The following DSG2 variants were observed in gnomAD, a reference collection of about 807,000 sequenced individuals.
The protein encoded by DSG2 is desmoglein-2.
Under a neutral mutation model 75.6 loss-of-function variants are expected in DSG2, and 45 were observed. The ratio of observed to expected loss-of-function variants is 0.60; its 90% CI spans 0.47 to 0.76. DSG2 has a LOEUF of 0.76. Ranked by LOEUF, DSG2 falls within the 30% of genes least tolerant of loss-of-function variation. The pLI, the probability that DSG2 is intolerant of heterozygous loss-of-function variation, is 0.00. For missense variants in DSG2, 1,267 were observed against 1,357.4 expected, an observed-to-expected ratio of 0.93 and a Z score of 1.05; for synonymous variants, 429 against 483.9, an observed-to-expected ratio of 0.89 and a Z score of 1.49.
chr18:31,541,098 C>T (rs1364765383), intron 12 of DSG2, 95 bp from the exon 13 acceptor site: 70 of 1,490,872 alleles, frequency 4.7e-5, no homozygotes, highest in Non-Finnish European at 6.1e-5. Context: ...GAAGACAAGT[C>T]CAGGAAGGGA....
chr18:31,536,236 T>C lies in DSG2; in HGVS notation c.1458T>C (p.Leu486=), dbSNP rs779518495. 7.4e-6 allele frequency: 12 copies of C among 1,614,100 alleles called. No homozygotes were observed. The highest frequency in any genetic ancestry group is 3.3e-5 in the Admixed American group (2 of 60,004). The change falls in exon 11 of 15, where the codon CTT becomes CTC. Residue 486 remains leucine (L), a synonymous_variant. Coordinates refer to ENST00000261590, the MANE Select transcript of DSG2 (RefSeq NM_001943.5). ...YPRKTITGTV[L]INVEDINDNC... is the part of the protein sequence containing the mutation. ...GAAAAACCATCACTGGCACAGTCCT[T>C]ATCAATGTTGAAGACATCAACGACA...
chr18:31,520,117 G>A (rs1308748174), intron 3 of DSG2, among the ~76,000 whole-genome samples, 180 bp downstream of exon 3: 1 of 152,182 alleles, frequency 6.6e-6, no homozygotes, highest in East Asian at 1.9e-4. Context: ...TCAACTTTAA[G>A]ATTCTCTTTC....
chr18:31,539,333 G>A (rs893536645), intron 12 of DSG2, among the ~76,000 whole-genome samples: 4 of 152,076 alleles, frequency 2.6e-5, no homozygotes, highest in South Asian at 2.1e-4. Context: ...TGTAGTAAGC[G>A]CTCAAAAAAG....
chr18:31,518,180 T>C, intron 1 of DSG2, 59 bp from the exon 2 acceptor site: 1 of 1,335,496 alleles, frequency 7.5e-7, no homozygotes, highest in Non-Finnish European at 1.1e-6. Flanking sequence ...TCATGAACAA[T>C]GTTTTCACAC....
chr18:31,529,309 C>T (rs578048590), intron 8 of DSG2, among the ~76,000 whole-genome samples: 2 of 152,152 alleles, frequency 1.3e-5, no homozygotes, highest in Non-Finnish European at 2.9e-5. Context: ...CTTATGGCCC[C>T]AATACCTAGC....
intron 1 of DSG2, among the ~76,000 whole-genome samples, chr18:31,500,300 A>C (rs975258431): frequency 7.9e-5 from 12 of 152,188 alleles, no homozygotes; most frequent in African/African-American, 2.9e-4. Context: ...GCAGAGCCAC[A>C]CCGCTTAGGG....
At chr18:31,522,545 G>A (rs541378005) in intron 6 of DSG2, 2 of 230,808 alleles carry the variant, frequency 8.7e-6, no homozygotes, top group Admixed American at 1.0e-4. Flanking sequence ...TGTTTTTTGT[G>A]ATCATTGCAT....
chr18:31,544,015 C>T (rs1044951548), intron 14 of DSG2, among the ~76,000 whole-genome samples: 2 of 151,902 alleles, frequency 1.3e-5, no homozygotes, highest in Non-Finnish European at 2.9e-5. Context: ...AACCTAATAA[C>T]AGAAATTTTT....
intron 8 of DSG2, among the ~76,000 whole-genome samples, chr18:31,530,453 T>TATTG (rs2073188437): frequency 6.6e-6 from 1 of 152,194 alleles, no homozygotes; most frequent in South Asian, 2.1e-4. Context: ...GGTCTCACTT[T>TATTG]ATTGCCCAGG....
At chr18:31,532,086 G>A (rs1264213692) in intron 9 of DSG2, among the ~76,000 whole-genome samples, 30 of 152,124 alleles carry the variant, frequency 2.0e-4, no homozygotes, top group Admixed American at 1.8e-3. Context: ...ATACACCTGT[G>A]TCCCTGTCTT....
intron 8 of DSG2, 91 bp from the exon 9 acceptor site, chr18:31,530,896 A>G: frequency 7.8e-7 from 1 of 1,279,990 alleles, no homozygotes; most frequent in South Asian, 1.3e-5. Flanking sequence ...AAATTATTGT[A>G]TCTAACATTA....
At chr18:31,526,773 A>G (rs1012387691) in intron 8 of DSG2, among the ~76,000 whole-genome samples, 2 of 152,198 alleles carry the variant, frequency 1.3e-5, no homozygotes, top group African/African-American at 4.8e-5. Flanking sequence ...TTAAATTATC[A>G]TGGAGCTGAG....
At chr18:31,502,601 A>G (rs1251550904) in intron 1 of DSG2, among the ~76,000 whole-genome samples, 1 of 152,216 alleles carries the variant, frequency 6.6e-6, no homozygotes, top group Non-Finnish European at 1.5e-5. Flanking sequence ...AATACAAAAA[A>G]TTAGCTGGGT....
chr18:31,510,783 A>T (rs1363140838), intron 1 of DSG2, among the ~76,000 whole-genome samples: 1 of 152,188 alleles, frequency 6.6e-6, no homozygotes, highest in East Asian at 1.9e-4. Context: ...ACTGCTTTGG[A>T]TACAGGAACT....
At chr18:31,527,236 A>G (rs1158150498) in intron 8 of DSG2, among the ~76,000 whole-genome samples, 1 of 152,236 alleles carries the variant, frequency 6.6e-6, no homozygotes, top group Non-Finnish European at 1.5e-5. Context: ...AACATGCTAT[A>G]CAGGTTTGTA....
At chr18:31,519,625 G>A (rs954585355) in intron 2 of DSG2, among the ~76,000 whole-genome samples, 178 bp from the exon 3 acceptor site, 1 of 152,096 alleles carries the variant, frequency 6.6e-6, no homozygotes, top group Non-Finnish European at 1.5e-5. Context: ...AATCTCTTGA[G>A]GCCCTATGCA....
At position 31,535,366 on chromosome 18, in the gene DSG2, T is replaced by A. The variant is rs543811554; in HGVS notation, c.1377T>A (p.Tyr459Ter). Residue 459 changes from tyrosine to a stop codon, truncating the protein, a stop_gained, in exon 10 of 15, where the codon TAT (tyrosine) becomes TAA (stop). Transcript: ENST00000261590. LOFTEE classifies it high-confidence loss of function. Reference protein sequence around the residue: ...LAKLPDFESRYVQNGTYTVKI... With the variant: ...LAKLPDFESR ...AACTTCCTGATTTTGAATCTAGATA[T>A]GTTCAAAATGGCACATACACTGTAA... is the stretch of plus-strand genomic sequence containing the variant. 1.9e-6 allele frequency: 3 copies of A among 1,611,218 alleles called. No individual in the cohort carries two copies. The highest frequency in any genetic ancestry group is 2.5e-6 in the Non-Finnish European group (3 of 1,177,770).
At chr18:31,510,352 A>G (rs939887425) in intron 1 of DSG2, among the ~76,000 whole-genome samples, 3 of 152,214 alleles carry the variant, frequency 2.0e-5, no homozygotes, top group Non-Finnish European at 4.4e-5. Flanking sequence ...AGTTTAAGGG[A>G]TCACCTCACC....
chr18:31,503,979 G>T (rs73416214), intron 1 of DSG2, among the ~76,000 whole-genome samples: 2,373 of 152,282 alleles, frequency 0.016, 62 homozygotes, highest in African/African-American at 0.053. Context: ...GAGAAACAGT[G>T]ATAGGCAAAG....
Sources: gnomAD v4.1 joint callset for allele counts (sites outside exome capture counted in the v4.1 genomes callset) on GRCh38, gnomAD v4.1.1 for gene constraint, MANE v1.5 for transcripts, NCBI Gene and HGNC (gene_info 2026-07-23, HGNC 2026-07-21) for gene names.